The following TNNI3K variants were observed in gnomAD, a reference collection of about 807,000 sequenced individuals.
TNNI3K encodes serine/threonine-protein kinase TNNI3K.
A neutral mutation model predicts 114.5 loss-of-function variants in TNNI3K; 140 were observed. That is an observed-to-expected ratio of 1.22 (90% CI 1.07 to 1.41). The LOEUF (loss-of-function observed/expected upper bound fraction) is 1.41, where lower values mean the gene tolerates loss of function less well. Among genes scored for constraint, TNNI3K ranks in the 40% most tolerant of loss-of-function variants. The probability of loss-of-function intolerance (pLI) is 0.00; values close to 1 mark genes in which losing one functional copy is unlikely to be tolerated. For missense variants in TNNI3K, 1,125 were observed against 1,007.6 expected (o/e 1.12, Z -1.58); for synonymous variants, 347 against 347.5 (o/e 1.00, Z 0.02).
intron 23 of TNNI3K, among the ~76,000 whole-genome samples, chr1:74,519,271 C>G (rs1364611272): frequency 1.2e-5 from 1 of 85,718 alleles, no homozygotes; most frequent in Non-Finnish European, 2.1e-5. Flanking sequence ...TTTTCTTAAT[C>G]CAGTCTATCA....
At chr1:74,376,651 T>C (rs1662919942) in intron 17 of TNNI3K, 1 of 152,002 alleles carries the variant, frequency 6.6e-6, no homozygotes, top group African/African-American at 2.4e-5. Context: ...AAAATGTCAA[T>C]TAATTAAATA....
chr1:74,301,041 A>G (rs1388200275), intron 5 of TNNI3K, among the ~76,000 whole-genome samples: 1 of 152,166 alleles, frequency 6.6e-6, no homozygotes, highest in East Asian at 1.9e-4. Context: ...GATATGCAAG[A>G]TTTATCTTAA....
At chr1:74,518,836 C>A (rs1646386154) in intron 23 of TNNI3K, among the ~76,000 whole-genome samples, 3 of 142,492 alleles carry the variant, frequency 2.1e-5, no homozygotes, top group Non-Finnish European at 4.5e-5. Context: ...AAACAAATTA[C>A]CTTACTTTAT....
chr1:74,400,748 C>T (rs1664317385), intron 17 of TNNI3K, among the ~76,000 whole-genome samples: 1 of 152,204 alleles, frequency 6.6e-6, no homozygotes, highest in South Asian at 2.1e-4. Context: ...ACATCCTAAA[C>T]ATTACTGGTG....
At chr1:74,275,616 G>T (rs1214788059) in intron 5 of TNNI3K, among the ~76,000 whole-genome samples, 1 of 151,980 alleles carries the variant, frequency 6.6e-6, no homozygotes, top group Non-Finnish European at 1.5e-5. Flanking sequence ...AGAGGGATCT[G>T]GCCCAAAAAT....
intron 7 of TNNI3K, among the ~76,000 whole-genome samples, chr1:74,336,980 T>C (rs1381608313): frequency 1.3e-5 from 2 of 151,658 alleles, no homozygotes; most frequent in African/African-American, 4.9e-5. Flanking sequence ...TGTAAAAGTG[T>C]TCCTATTTCT....
intron 17 of TNNI3K, among the ~76,000 whole-genome samples, chr1:74,428,851 C>T (rs2100649899): frequency 6.6e-6 from 1 of 152,188 alleles, no homozygotes; most frequent in South Asian, 2.1e-4. Context: ...GGGAGGATTG[C>T]TTGAGCCCAG....
Position 74,367,916 on chromosome 1 carries a change from T to C in TNNI3K, c.1273T>C (p.Tyr425His). 1.3e-6 allele frequency: 2 copies of C among 1,576,998 alleles called. No individual in the cohort carries two copies. The highest frequency in any genetic ancestry group is 3.4e-4 in the Middle Eastern group (2 of 5,902). Residue 425 changes from tyrosine (Y) to histidine (H), a missense_variant, in exon 13 of 25, where the codon TAT (tyrosine) becomes CAT (histidine). Coordinates refer to ENST00000326637, the MANE Select transcript of TNNI3K (RefSeq NM_015978.3). ...TATAATTTAATTTCTAGATGGCTCC[T>C]ATGTGTCTGTTCCATCACCCTTGGG... is the stretch of plus-strand genomic sequence containing the variant. ...EYSQPGGDGS[Y>H]VSVPSPLGKI... is the part of the protein sequence containing the mutation.
intron 5 of TNNI3K, among the ~76,000 whole-genome samples, chr1:74,312,984 A>G (rs1341922851): frequency 1.3e-5 from 2 of 152,164 alleles, no homozygotes; most frequent in East Asian, 1.9e-4. Flanking sequence ...TTTAGAACCA[A>G]TCTGTACCTA....
chr1:74,363,034 A>T (rs1339187192), intron 11 of TNNI3K, among the ~76,000 whole-genome samples: 3 of 151,872 alleles, frequency 2.0e-5, no homozygotes, highest in African/African-American at 7.3e-5. Context: ...TAAATTCTTA[A>T]ATATAGGAAA....
intron 23 of TNNI3K, among the ~76,000 whole-genome samples, chr1:74,498,468 C>G (rs1669447880): frequency 6.6e-6 from 1 of 152,078 alleles, no homozygotes; most frequent in Non-Finnish European, 1.5e-5. Flanking sequence ...CAGAAATTCT[C>G]TTCTTTTTTG....
At chr1:74,472,480 G>T (rs1457701782) in intron 21 of TNNI3K, among the ~76,000 whole-genome samples, 1 of 152,126 alleles carries the variant, frequency 6.6e-6, no homozygotes. Flanking sequence ...TATATCTTTA[G>T]TTGTTGGTTA....
chr1:74,356,559 A>T (rs1306335714), intron 11 of TNNI3K, among the ~76,000 whole-genome samples: 1 of 152,218 alleles, frequency 6.6e-6, no homozygotes, highest in East Asian at 1.9e-4. Flanking sequence ...AAGAAATGTT[A>T]GCTTCAGTGT....
intron 12 of TNNI3K, 122 bp from the exon 13 acceptor site, chr1:74,367,786 G>A (rs1662351265): frequency 9.2e-6 from 8 of 873,606 alleles, no homozygotes; most frequent in Non-Finnish European, 1.2e-5. Flanking sequence ...TCCAGAGAAA[G>A]ATTTGGGCCT....
chr1:74,367,020 A>G (rs1299353713), intron 11 of TNNI3K, among the ~76,000 whole-genome samples: 4 of 151,952 alleles, frequency 2.6e-5, no homozygotes, highest in African/African-American at 9.7e-5. Flanking sequence ...CACTTTGTTC[A>G]CTGCATCACC....
chr1:74,475,726 T>G (rs1376815470), intron 21 of TNNI3K: 1 of 688,974 alleles, frequency 1.5e-6, no homozygotes, highest in Admixed American at 2.2e-5. Flanking sequence ...GCAACAAAGG[T>G]TTTCTGATGT....
At chr1:74,383,074 C>T (rs1557533997) in intron 17 of TNNI3K, among the ~76,000 whole-genome samples, 1 of 146,398 alleles carries the variant, frequency 6.8e-6, no homozygotes, top group South Asian at 2.2e-4. Context: ...TCTTTAATTT[C>T]TTTTTTTTTT....
At chr1:74,518,567 A>C (rs145879024) in intron 23 of TNNI3K, among the ~76,000 whole-genome samples, 13 of 152,264 alleles carry the variant, frequency 8.5e-5, no homozygotes, top group Non-Finnish European at 1.8e-4. Flanking sequence ...AGTGGATTCT[A>C]CTAATCGTGA....
chr1:74,423,793 T>TG (rs1665505367), intron 17 of TNNI3K, among the ~76,000 whole-genome samples: 1 of 152,140 alleles, frequency 6.6e-6, no homozygotes, highest in Admixed American at 6.5e-5. Context: ...ATCTCCTCCT[T>TG]CTTCATATGT....
Sources: gnomAD v4.1 joint callset for allele counts (sites outside exome capture counted in the v4.1 genomes callset) on GRCh38, gnomAD v4.1.1 for gene constraint, MANE v1.5 for transcripts, NCBI Gene and HGNC (gene_info 2026-07-23, HGNC 2026-07-21) for gene names.